DOCK4: variants seen among roughly 807,000 people sequenced by gnomAD.
The protein encoded by DOCK4 is dedicator of cytokinesis 4.
DOCK4 carries 97 observed loss-of-function variants against 268.1 expected under a neutral mutation model. That is an observed-to-expected ratio of 0.36 (90% CI 0.31 to 0.43). The LOEUF (loss-of-function observed/expected upper bound fraction) is 0.43, where lower values mean the gene tolerates loss of function less well. Ranked by LOEUF, DOCK4 falls within the 20% of genes least tolerant of loss-of-function variation. The pLI, the probability that DOCK4 is intolerant of heterozygous loss-of-function variation, is 1.00. For synonymous variants in DOCK4, 954 were observed against 887.2 expected, an observed-to-expected ratio of 1.08 and a Z score of -1.34; for missense variants, 2,145 against 2,455.7, an observed-to-expected ratio of 0.87 and a Z score of 2.67.
In DOCK4 at chr7:111,940,211, G is replaced by C; in HGVS notation, c.876C>G (p.Ala292=). 6.2e-7 allele frequency: 1 copy of C among 1,613,988 alleles called. No homozygotes were observed. The highest frequency in any genetic ancestry group is 8.5e-7 in the Non-Finnish European group (1 of 1,179,884). Reference sequence around the variant, plus strand: ...AGGGTCGTCGGTACTGGACACTACAGGCATTCTTTTTTTCTCCTGCTCCCA... The same window carrying C: ...AGGGTCGTCGGTACTGGACACTACACGCATTCTTTTTTTCTCCTGCTCCCA... The part of the protein sequence containing the change: ...GRMGAGEKKN[A]CSVQYRRPFG... Residue 292 remains alanine, a synonymous_variant, in exon 11 of 53, where the codon GCC becomes GCG. Coordinates refer to ENST00000428084, the MANE Select transcript of DOCK4 (RefSeq NM_001363540.2).
rs1797803811 is a variant in DOCK4, at chr7:111,767,055, A to G, written c.3892T>C (p.Tyr1298His). The G allele has an allele frequency of 6.2e-7, 1 of 1,613,626 alleles. No individual in the cohort carries two copies. The highest frequency in any genetic ancestry group is 8.5e-7 in the Non-Finnish European group (1 of 1,179,754). Residue 1298 changes from tyrosine (Y) to histidine (H), a missense_variant, in exon 38 of 53, where the codon TAC (tyrosine) becomes CAC (histidine). Around this residue, in one of 2 missense-constraint regions of DOCK4, gnomAD observed 1,598 missense variants for 1,986.7 expected, o/e 0.80. Transcript: ENST00000428084. ...IAEQYESYYD[Y>H]RNLSKMRMME... ...ACCCGCATCTTGCTCAGGTTTCTGT[A>G]GTCATAATAACTCTCATACTGCTCT...
intron 10 of DOCK4, among the ~76,000 whole-genome samples, chr7:111,943,406 T>G (rs953479360): frequency 6.6e-6 from 1 of 152,220 alleles, no homozygotes; most frequent in Admixed American, 6.5e-5. Flanking sequence ...TCCATAGATA[T>G]CTTGGAGAAA....
intron 1 of DOCK4, among the ~76,000 whole-genome samples, chr7:112,098,486 T>C (rs1372623430): frequency 2.7e-5 from 4 of 150,816 alleles, no homozygotes; most frequent in East Asian, 3.9e-4. Context: ...CTATAAATTA[T>C]ATATCTTATA....
chr7:111,737,242 TA>T (rs1052641345), intron 49 of DOCK4, among the ~76,000 whole-genome samples: 8 of 152,184 alleles, frequency 5.3e-5, no homozygotes, highest in African/African-American at 1.4e-4. Flanking sequence ...ATGTTCATAA[TA>T]AAATGTAAAA....
At chr7:111,908,598 G>T (rs1791814129) in intron 13 of DOCK4, among the ~76,000 whole-genome samples, 1 of 152,134 alleles carries the variant, frequency 6.6e-6, no homozygotes, top group East Asian at 1.9e-4. Flanking sequence ...TTGATACATA[G>T]GTATACATGT....
At position 112,204,882 on chromosome 7, in the gene DOCK4, AACACACAC is replaced by A. The variant is rs34706974; in HGVS notation, c.37+1212_37+1219del. Among the ~76,000 whole-genome samples, 14 of 150,026 alleles carry A rather than the reference AACACACAC, an allele frequency of 9.3e-5. 2 individuals carry two copies. The highest frequency in any genetic ancestry group is 2.2e-4 in the African/African-American group (9 of 40,860). ...TCACTAGACCTGTCCTCAATTTTAA[AACACACAC>A]ACACACACACACACACACAAAGTAC... On this transcript the variant is annotated intron_variant, in intron 1 of 52. Coordinates refer to ENST00000428084, the MANE Select transcript of DOCK4 (RefSeq NM_001363540.2).
chr7:111,900,219 T>C (rs1791022408), intron 15 of DOCK4, among the ~76,000 whole-genome samples, 155 bp downstream of exon 15: 1 of 152,202 alleles, frequency 6.6e-6, no homozygotes, highest in African/African-American at 2.4e-5. Context: ...CTTTTAACAC[T>C]GTGCCTCCCC....
intron 8 of DOCK4, among the ~76,000 whole-genome samples, chr7:111,957,099 T>C (rs1047534785): frequency 6.6e-6 from 1 of 152,180 alleles, no homozygotes; most frequent in Admixed American, 6.5e-5. Context: ...AAAATGTTAA[T>C]GCTTATGAGA....
chr7:112,088,306 T>A (rs1214829632), intron 1 of DOCK4, among the ~76,000 whole-genome samples: 1 of 152,188 alleles, frequency 6.6e-6, no homozygotes, highest in Non-Finnish European at 1.5e-5. Flanking sequence ...CAAAGCCTTT[T>A]TAAATGTGTT....
chr7:112,131,480 C>T (rs991588511), intron 1 of DOCK4, among the ~76,000 whole-genome samples: 85 of 152,094 alleles, frequency 5.6e-4, no homozygotes, highest in African/African-American at 1.8e-3. Context: ...AAACCATGGG[C>T]TCCTTAAGGG....
At chr7:112,137,972 G>A (rs918385612) in intron 1 of DOCK4, among the ~76,000 whole-genome samples, 4 of 152,180 alleles carry the variant, frequency 2.6e-5, no homozygotes, top group African/African-American at 9.7e-5. Context: ...GTAAATGTTA[G>A]CCATGATCAT....
chr7:112,024,243 C>A (rs2135425338), intron 1 of DOCK4, among the ~76,000 whole-genome samples: 1 of 152,326 alleles, frequency 6.6e-6, no homozygotes, highest in African/African-American at 2.4e-5. Context: ...GTCTCAGCCT[C>A]CTGGCTTTAA....
At chr7:111,784,148 C>G in intron 32 of DOCK4, 25 bp from the exon 33 acceptor site, 1 of 1,564,650 alleles carries the variant, frequency 6.4e-7, no homozygotes, top group South Asian at 1.2e-5. Flanking sequence ...ATTGACAAAG[C>G]AAATTGATTT....
chr7:112,188,369 A>G (rs1174751887), intron 1 of DOCK4, among the ~76,000 whole-genome samples: 1 of 152,206 alleles, frequency 6.6e-6, no homozygotes, highest in Non-Finnish European at 1.5e-5. Context: ...TCATCAAACT[A>G]TCCTTTCACA....
At chr7:112,175,730 T>C (rs537457018) in intron 1 of DOCK4, among the ~76,000 whole-genome samples, 5 of 152,350 alleles carry the variant, frequency 3.3e-5, no homozygotes, top group African/African-American at 9.6e-5. Context: ...ATGAGACATA[T>C]GAGATTCTTT....
chr7:112,034,179 A>G (rs777948399), intron 1 of DOCK4, among the ~76,000 whole-genome samples: 5 of 152,228 alleles, frequency 3.3e-5, no homozygotes, highest in Admixed American at 6.5e-5. Context: ...TTTACAATGA[A>G]CCAGGTAACC....
chr7:112,142,943 C>T (rs994189267), intron 1 of DOCK4, among the ~76,000 whole-genome samples: 1 of 151,852 alleles, frequency 6.6e-6, no homozygotes, highest in African/African-American at 2.4e-5. Context: ...TTAGGTTGTA[C>T]CTGGAAACAA....
chr7:112,151,160 G>T (rs1563135012), intron 1 of DOCK4, among the ~76,000 whole-genome samples: 1 of 152,172 alleles, frequency 6.6e-6, no homozygotes, highest in South Asian at 2.1e-4. Context: ...TTTACAAGGA[G>T]AAGGATTTGT....
At chr7:111,746,305 A>G in intron 44 of DOCK4, 29 bp downstream of exon 44, 1 of 1,591,142 alleles carries the variant, frequency 6.3e-7, no homozygotes, top group South Asian at 1.1e-5. Flanking sequence ...CAGGCAAAAT[A>G]GAAGGGGGTT....
Sources: allele counts gnomAD v4.1 joint callset (sites outside exome capture counted in the v4.1 genomes callset), GRCh38; gene constraint gnomAD v4.1.1; regional missense constraint gnomAD v4.1.1; transcripts MANE v1.5; gene names NCBI Gene and HGNC (gene_info 2026-07-23, HGNC 2026-07-21).